The following UBE2R2 variants were observed in gnomAD, a reference collection of about 807,000 sequenced individuals.
The protein encoded by UBE2R2 is ubiquitin-conjugating enzyme E2 R2.
A neutral mutation model predicts 27.8 loss-of-function variants in UBE2R2; 1 was observed. That is an observed-to-expected ratio of 0.04 (90% CI 0.01 to 0.17). The LOEUF (loss-of-function observed/expected upper bound fraction) is 0.17. Ranked by LOEUF, UBE2R2 falls within the 10% of genes least tolerant of loss-of-function variation. UBE2R2 has a pLI of 1.00. For synonymous variants in UBE2R2, 106 were observed against 113.3 expected, an observed-to-expected ratio of 0.94 and a Z score of 0.41; for missense variants, 100 against 291.0, an observed-to-expected ratio of 0.34 and a Z score of 4.78.
intron 1 of UBE2R2, among the ~76,000 whole-genome samples, chr9:33,859,799 T>TGTGTGTGTGTGTGTGTGA (rs766779268): frequency 2.4e-4 from 21 of 86,584 alleles, no homozygotes; most frequent in East Asian, 1.6e-3. Flanking sequence ...TGTGTGTGTG[T>TGTGTGTGTGTGTGTGTGA]GAGAGAGAGA....
At chr9:33,847,665 G>T (rs535383273) in intron 1 of UBE2R2, among the ~76,000 whole-genome samples, 5 of 150,824 alleles carry the variant, frequency 3.3e-5, no homozygotes, top group Admixed American at 2.6e-4. Context: ...TAGAATTTTT[G>T]ACTATGTTCT....
At position 33,866,266 on chromosome 9, in the gene UBE2R2, T is replaced by G. The variant is rs146619576; in HGVS notation, c.178-20615T>G. On this transcript the variant is annotated intron_variant, in intron 1 of 4. Coordinates refer to ENST00000263228, the MANE Select transcript of UBE2R2 (RefSeq NM_017811.4). ...ACTTTTTTTTTTTTTTGAGACAGAG[T>G]CTTGCTCCCTCACCCAGGCTGGAGT... 9.2e-3 allele frequency among the ~76,000 whole-genome samples: 1,388 copies of G among 150,534 alleles called. 23 individuals carry two copies. Among genetic ancestry groups the G allele is most frequent in the African/African-American group, 0.032 (1,304 of 40,944 alleles).
chr9:33,827,903 G>A (rs1001271891), intron 1 of UBE2R2, among the ~76,000 whole-genome samples: 11 of 151,610 alleles, frequency 7.3e-5, no homozygotes, highest in Admixed American at 4.6e-4. Flanking sequence ...CCCGGGAGGC[G>A]GAGGTTGCAG....
chr9:33,904,493 C>T (rs1312540645), intron 3 of UBE2R2, among the ~76,000 whole-genome samples: 3 of 152,160 alleles, frequency 2.0e-5, no homozygotes, highest in South Asian at 2.1e-4. Context: ...TCCATAACCA[C>T]GTGTACTCAA....
intron 1 of UBE2R2, among the ~76,000 whole-genome samples, chr9:33,879,603 C>G (rs1435805989): frequency 6.6e-6 from 1 of 151,850 alleles, no homozygotes; most frequent in East Asian, 1.9e-4. Flanking sequence ...ACAGGCACGT[C>G]CACCATGCTT....
chr9:33,865,835 G>GTT (rs1266518240), intron 1 of UBE2R2, among the ~76,000 whole-genome samples: 7 of 137,016 alleles, frequency 5.1e-5, no homozygotes, highest in Non-Finnish European at 9.6e-5. Flanking sequence ...GTTTTTTTTT[G>GTT]TTTTTTTTTT....
At chr9:33,855,535 C>G (rs951295023) in intron 1 of UBE2R2, among the ~76,000 whole-genome samples, 2 of 152,080 alleles carry the variant, frequency 1.3e-5, no homozygotes, top group African/African-American at 4.8e-5. Context: ...AATCCAAGTT[C>G]GATTCAAGTT....
intron 1 of UBE2R2, among the ~76,000 whole-genome samples, chr9:33,884,229 T>TCTCTCTCTCTCC (rs1313176322): frequency 6.8e-6 from 1 of 146,390 alleles, no homozygotes; most frequent in Admixed American, 7.0e-5. Context: ...TCTCTCTCTC[T>TCTCTCTCTCTCC]CTCTCTTCCC....
At chr9:33,857,115 C>CT (rs372240646) in intron 1 of UBE2R2, among the ~76,000 whole-genome samples, 7 of 151,694 alleles carry the variant, frequency 4.6e-5, no homozygotes, top group East Asian at 3.9e-4. Flanking sequence ...AGGCTGGTCT[C>CT]TAACTCTTGA....
At chr9:33,908,427 G>A (rs1587483169) in intron 3 of UBE2R2, among the ~76,000 whole-genome samples, 2 of 152,150 alleles carry the variant, frequency 1.3e-5, no homozygotes, top group South Asian at 2.1e-4. Flanking sequence ...TAGGAGGTGT[G>A]GCACAATGGT....
intron 1 of UBE2R2, among the ~76,000 whole-genome samples, chr9:33,822,657 T>C (rs1820177026): frequency 6.6e-6 from 1 of 151,486 alleles, no homozygotes; most frequent in Non-Finnish European, 1.5e-5. Flanking sequence ...ACTCCTGGCT[T>C]CAAACAATCC....
chr9:33,838,855 G>C (rs1340443209), intron 1 of UBE2R2, among the ~76,000 whole-genome samples: 6 of 151,886 alleles, frequency 4.0e-5, no homozygotes, highest in Non-Finnish European at 7.4e-5. Context: ...GGCCGAGGTG[G>C]GTGGATCACC....
chr9:33,830,159 T>TTC (rs1820428361), intron 1 of UBE2R2, among the ~76,000 whole-genome samples: 2 of 26,530 alleles, frequency 7.5e-5, no homozygotes, highest in African/African-American at 2.0e-4. Context: ...AGTTTCATAA[T>TTC]TTTTTTTTTT....
chr9:33,867,235 C>T (rs568084231), intron 1 of UBE2R2, among the ~76,000 whole-genome samples: 1 of 152,106 alleles, frequency 6.6e-6, no homozygotes, highest in Admixed American at 6.6e-5. Flanking sequence ...GCTTCTTTGT[C>T]ATATATGTTG....
chr9:33,839,342 A>G (rs550346317), intron 1 of UBE2R2, among the ~76,000 whole-genome samples: 7 of 152,182 alleles, frequency 4.6e-5, no homozygotes, highest in South Asian at 2.1e-4. Context: ...GGTTCGAGCA[A>G]TTCTCCTGCC....
chr9:33,906,432 T>C (rs1822358205), intron 3 of UBE2R2, among the ~76,000 whole-genome samples: 1 of 152,118 alleles, frequency 6.6e-6, no homozygotes, highest in Non-Finnish European at 1.5e-5. Context: ...TAAGCTTAGA[T>C]TTTTTGGTTT....
chr9:33,890,442 C>T (rs1442979381), intron 2 of UBE2R2, among the ~76,000 whole-genome samples: 1 of 152,052 alleles, frequency 6.6e-6, no homozygotes, highest in Non-Finnish European at 1.5e-5. Flanking sequence ...TGGCACGCGC[C>T]TGTAATCCCA....
intron 1 of UBE2R2, among the ~76,000 whole-genome samples, chr9:33,852,504 G>A (rs534770677): frequency 6.6e-6 from 1 of 152,266 alleles, no homozygotes. Flanking sequence ...TTTCAGGTAT[G>A]GTTAGTTGAT....
intron 4 of UBE2R2, 65 bp from the exon 5 acceptor site, chr9:33,916,953 C>A (rs937617014): frequency 7.6e-6 from 12 of 1,580,690 alleles, no homozygotes; most frequent in African/African-American, 4.1e-5. Context: ...TTATTTAAGG[C>A]CAATTATAAA....
Sources: allele counts gnomAD v4.1 joint callset (sites outside exome capture counted in the v4.1 genomes callset), GRCh38; gene constraint gnomAD v4.1.1; transcripts MANE v1.5; gene names NCBI Gene and HGNC (gene_info 2026-07-23, HGNC 2026-07-21).